The following STPG2 variants were observed in gnomAD, a reference collection of about 807,000 sequenced individuals.
The protein encoded by STPG2 is sperm-tail PG-rich repeat-containing protein 2.
In STPG2, 56 loss-of-function variants were observed where a neutral mutation model predicts 54.2. The observed-to-expected ratio is 1.03, with a 90% CI of 0.83 to 1.29. The LOEUF (loss-of-function observed/expected upper bound fraction) is 1.29. Among genes scored for constraint, STPG2 ranks in the 50% most tolerant of loss-of-function variants. STPG2 has a pLI of 0.00. For missense variants in STPG2, 596 were observed against 544.9 expected (o/e 1.09, Z -0.93); for synonymous variants, 200 against 181.8 (o/e 1.10, Z -0.81).
intron 5 of STPG2, among the ~76,000 whole-genome samples, chr4:98,028,187 G>A (rs182642416): frequency 6.6e-5 from 10 of 152,260 alleles, no homozygotes; most frequent in South Asian, 2.1e-4. Context: ...CCCAGAACTC[G>A]CTTTCCTGAA....
chr4:98,026,239 G>A (rs1736416260), intron 5 of STPG2: 11 of 979,204 alleles, frequency 1.1e-5, no homozygotes, highest in Non-Finnish European at 1.8e-5. Flanking sequence ...GCCCCCTCAA[G>A]AGCTCAGGAG....
In STPG2 at chr4:97,764,112, G is replaced by GCACACACA. The variant is rs3974908; in HGVS notation, c.1205-51306_1205-51299dup. The stretch of plus-strand genomic sequence containing the variant: ...AAATCCAACCTCCACAACACCACAT[G>GCACACACA]CACACACACACACACACACACACAC... On this transcript the variant is annotated intron_variant, in intron 9 of 10. Transcript: ENST00000295268. Among the ~76,000 whole-genome samples the GCACACACA allele has an allele frequency of 1.5e-3, 213 of 141,176 alleles. 1 individual carries two copies. Among genetic ancestry groups the GCACACACA allele is most frequent in the African/African-American group, 2.8e-3 (106 of 38,456 alleles). The allele number at this position is 141,176 out of a possible 152,430, so 92.6% of individuals were successfully genotyped here.
At chr4:97,548,682 T>C (rs1207632266) in intron 4 of STPG2, among the ~76,000 whole-genome samples, 1 of 152,180 alleles carries the variant, frequency 6.6e-6, no homozygotes, top group Non-Finnish European at 1.5e-5. Flanking sequence ...CTTGCTATAA[T>C]AGTAATACAA....
chr4:97,692,974 A>G (rs550536942), intron 10 of STPG2, among the ~76,000 whole-genome samples: 2 of 152,272 alleles, frequency 1.3e-5, no homozygotes, highest in East Asian at 3.9e-4. Context: ...GAAAGATACA[A>G]TCTTTTTCAG....
At chr4:97,542,975 G>T (rs186579438) in intron 4 of STPG2, among the ~76,000 whole-genome samples, 2 of 151,980 alleles carry the variant, frequency 1.3e-5, no homozygotes, top group Non-Finnish European at 2.9e-5. Flanking sequence ...GGCCTGTTGT[G>T]GGGTGGGGAG....
intron 9 of STPG2, among the ~76,000 whole-genome samples, chr4:97,731,779 C>T (rs901416740): frequency 1.3e-5 from 2 of 152,188 alleles, no homozygotes; most frequent in Non-Finnish European, 2.9e-5. Flanking sequence ...AGGATGGGGG[C>T]TCCTTCCCCA....
At chr4:97,615,847 C>G (rs1454293117) in intron 10 of STPG2, among the ~76,000 whole-genome samples, 1 of 150,684 alleles carries the variant, frequency 6.6e-6, no homozygotes, top group Non-Finnish European at 1.5e-5. Flanking sequence ...ACCAGCCTGG[C>G]TAACATGGCG....
chr4:98,021,963 CTT>C (rs1027560594), intron 5 of STPG2, among the ~76,000 whole-genome samples: 13 of 151,314 alleles, frequency 8.6e-5, no homozygotes, highest in Non-Finnish European at 1.2e-4. Flanking sequence ...GGTCTTGACT[CTT>C]TATCCAATTT....
chr4:97,800,614 G>T (rs1401605170), intron 9 of STPG2, among the ~76,000 whole-genome samples: 2 of 152,184 alleles, frequency 1.3e-5, no homozygotes, highest in Non-Finnish European at 2.9e-5. Context: ...CTCCCAGTTA[G>T]GCTACTCAGG....
At chr4:97,903,519 GA>G (rs1460987852) in intron 8 of STPG2, among the ~76,000 whole-genome samples, 1 of 151,378 alleles carries the variant, frequency 6.6e-6, no homozygotes, top group African/African-American at 2.4e-5. Context: ...AATAAATATA[GA>G]ATCAAAAATA....
chr4:97,759,720 C>A (rs1725835234), intron 9 of STPG2, among the ~76,000 whole-genome samples: 1 of 152,082 alleles, frequency 6.6e-6, no homozygotes, highest in Non-Finnish European at 1.5e-5. Flanking sequence ...AGGTGGCCAG[C>A]AAAATACTTG....
At chr4:97,495,979 G>A (rs1366324662) in intron 4 of STPG2, among the ~76,000 whole-genome samples, 4 of 151,408 alleles carry the variant, frequency 2.6e-5, no homozygotes, top group African/African-American at 4.8e-5. Flanking sequence ...GTGCTTCCAA[G>A]TTTCATGAGT....
At chr4:97,504,622 A>C (rs74715055) in intron 4 of STPG2, among the ~76,000 whole-genome samples, 4,595 of 152,054 alleles carry the variant, frequency 0.03, 222 homozygotes, top group African/African-American at 0.11. Context: ...TAAAATCCTG[A>C]AGTCTGAATA....
intron 4 of STPG2, among the ~76,000 whole-genome samples, chr4:97,475,986 G>A (rs1395024014): frequency 6.6e-6 from 1 of 151,752 alleles, no homozygotes; most frequent in Non-Finnish European, 1.5e-5. Context: ...TTTTTTCTCT[G>A]TACCATTAGA....
intron 5 of STPG2, among the ~76,000 whole-genome samples, chr4:98,089,687 C>A (rs979582686): frequency 6.7e-6 from 1 of 149,778 alleles, no homozygotes; most frequent in Non-Finnish European, 1.5e-5. Flanking sequence ...AAAGTATTCC[C>A]TTTTCGCTAG....
chr4:98,025,315 C>T (rs1736378441), intron 5 of STPG2: 1 of 195,874 alleles, frequency 5.1e-6, no homozygotes, highest in Non-Finnish European at 1.1e-5. Flanking sequence ...CAGAAGCTGA[C>T]TAATAAAAGG....
chr4:97,840,762 T>A lies in STPG2; in HGVS notation c.1204+11A>T. On this transcript the variant is annotated intron_variant, in intron 9 of 10. Transcript: ENST00000295268. The stretch of plus-strand genomic sequence containing the variant: ...TTTTCCTCATAGCTTTATAAGGACT[T>A]CTAGACTTACCTGGCCCATCAGTCA... The A allele has an allele frequency of 3.1e-6, 5 of 1,607,798 alleles. 1 individual carries two copies. In the South Asian group the frequency reaches 5.5e-5, roughly 18 times the overall value.
intron 9 of STPG2, among the ~76,000 whole-genome samples, chr4:97,827,123 A>G (rs1016389351): frequency 6.6e-6 from 1 of 152,210 alleles, no homozygotes; most frequent in Non-Finnish European, 1.5e-5. Flanking sequence ...GTTAAACTGC[A>G]TGGACTAAAT....
chr4:97,461,611 C>T (rs1050428303), intron 4 of STPG2, among the ~76,000 whole-genome samples: 2 of 152,162 alleles, frequency 1.3e-5, no homozygotes, highest in Non-Finnish European at 2.9e-5. Flanking sequence ...AAAAAGAATT[C>T]TGTTGTTTAT....
Sources: gnomAD v4.1 joint callset for allele counts (sites outside exome capture counted in the v4.1 genomes callset) on GRCh38, gnomAD v4.1.1 for gene constraint, MANE v1.5 for transcripts, NCBI Gene and HGNC (gene_info 2026-07-23, HGNC 2026-07-21) for gene names.